Variants in DNAH7 observed in about 807,000 individuals in gnomAD.
DNAH7 encodes the protein dynein axonemal heavy chain 7, also known as axonemal beta dynein heavy chain 7.
DNAH7 carries 397 observed loss-of-function variants against 444.6 expected under a neutral mutation model. The ratio of observed to expected loss-of-function variants is 0.89; its 90% CI spans 0.82 to 0.97. The LOEUF (loss-of-function observed/expected upper bound fraction) is 0.97. Among genes scored for constraint, DNAH7 ranks in the 50% least tolerant of loss-of-function variants. DNAH7 has a pLI of 0.00. For missense variants in DNAH7, 4,902 were observed against 4,800.8 expected, an observed-to-expected ratio of 1.02 and a Z score of -0.62; for synonymous variants, 1,636 against 1,624.4, an observed-to-expected ratio of 1.01 and a Z score of -0.17.
At chr2:195,847,827 G>A (rs778552538) in intron 46 of DNAH7, among the ~76,000 whole-genome samples, 27 of 152,072 alleles carry the variant, frequency 1.8e-4, no homozygotes, top group Non-Finnish European at 3.5e-4. Context: ...CATGCCCTGC[G>A]AGTGGCTACG....
chr2:195,875,642 C>T, intron 38 of DNAH7, 33 bp downstream of exon 38: 1 of 1,525,612 alleles, frequency 6.6e-7, no homozygotes, highest in Non-Finnish European at 8.8e-7. Flanking sequence ...GGAGATTTTT[C>T]CATCTTAGTA....
At chr2:195,945,371 C>A (rs1179892747) in intron 19 of DNAH7, among the ~76,000 whole-genome samples, 1 of 152,136 alleles carries the variant, frequency 6.6e-6, no homozygotes, top group Non-Finnish European at 1.5e-5. Context: ...CCAGAGTTCA[C>A]TGGGTGGGAT....
intron 27 of DNAH7, chr2:195,905,732 TG>T (rs1388899566): frequency 2.6e-5 from 4 of 151,700 alleles, no homozygotes; most frequent in Admixed American, 6.6e-5. Context: ...GAAAATGGTG[TG>T]TTTTTTTTTA....
At position 195,858,759 on chromosome 2, in the gene DNAH7, T is replaced by A. The variant is rs748735249; in HGVS notation, c.7782A>T (p.Lys2594Asn). 2.5e-6 allele frequency: 4 copies of A among 1,613,556 alleles called. No individual in the cohort carries two copies. The highest frequency in any genetic ancestry group is 3.4e-6 in the Non-Finnish European group (4 of 1,179,790). ...CTACTTGAGATGAAGCAGAATCCAG[T>A]TTCTCCAAACCCACTTCATATCTCT... ...MKKRYEVGLE[K>N]LDSASSQVAT... Residue 2594 changes from lysine to asparagine, a missense_variant, in exon 43 of 65, where the codon AAA becomes AAT. Transcript: ENST00000312428.
intron 10 of DNAH7, among the ~76,000 whole-genome samples, chr2:196,005,219 A>G (rs1246122588): frequency 6.6e-6 from 1 of 151,912 alleles, no homozygotes; most frequent in African/African-American, 2.4e-5. Context: ...GCTTGCGGTG[A>G]GCCAAGATGG....
intron 24 of DNAH7, among the ~76,000 whole-genome samples, chr2:195,921,826 G>A (rs577721882): frequency 1.3e-5 from 2 of 152,106 alleles, no homozygotes; most frequent in African/African-American, 2.4e-5. Flanking sequence ...GAAAAAGTCA[G>A]AAAGTTTCAG....
rs563520976 is a variant in DNAH7 at position 195,996,261 on chromosome 2, C to G, written c.1353+4443G>C. On this transcript the variant is annotated intron_variant, in intron 12 of 64. Transcript: ENST00000312428. ...AACCAGAGCAGACTAAAATCCTTAGCTGCAAAATTTGCATTCTGCTCTCAG... is the reference window on the plus strand; with the variant it reads ...AACCAGAGCAGACTAAAATCCTTAGGTGCAAAATTTGCATTCTGCTCTCAG... Among the ~76,000 whole-genome samples, 3 of 152,290 alleles carry G rather than the reference C, an allele frequency of 2.0e-5. No homozygotes were observed. In the South Asian group the frequency reaches 6.2e-4, roughly 32 times the overall value.
At chr2:195,899,760 T>C (rs1490557100) in intron 28 of DNAH7, among the ~76,000 whole-genome samples, 1 of 152,226 alleles carries the variant, frequency 6.6e-6, no homozygotes, top group Non-Finnish European at 1.5e-5. Flanking sequence ...TTATATTTCA[T>C]GGTTCTACAA....
intron 21 of DNAH7, among the ~76,000 whole-genome samples, chr2:195,933,047 C>A (rs1688806492): frequency 6.6e-6 from 1 of 152,250 alleles, no homozygotes; most frequent in Admixed American, 6.5e-5. Flanking sequence ...TCCATCTGGT[C>A]CTGGACTTTT....
At chr2:196,009,017 G>A (rs969617661) in intron 10 of DNAH7, among the ~76,000 whole-genome samples, 4 of 152,126 alleles carry the variant, frequency 2.6e-5, no homozygotes, top group Non-Finnish European at 5.9e-5. Context: ...TGGCCAGAGC[G>A]AGTGCAAGAG....
At chr2:195,882,512 T>C (rs1701445944) in intron 35 of DNAH7, among the ~76,000 whole-genome samples, 1 of 152,228 alleles carries the variant, frequency 6.6e-6, no homozygotes, top group African/African-American at 2.4e-5. Context: ...TTTTTAGGTG[T>C]ACAGTTCAGT....
At chr2:195,835,867 C>T (rs1698345647) in intron 47 of DNAH7, among the ~76,000 whole-genome samples, 1 of 151,984 alleles carries the variant, frequency 6.6e-6, no homozygotes, top group South Asian at 2.1e-4. Flanking sequence ...AAAAAACAAA[C>T]AAAAATGTAG....
At chr2:195,743,939 G>C (rs1693209473) in intron 63 of DNAH7, among the ~76,000 whole-genome samples, 1 of 152,240 alleles carries the variant, frequency 6.6e-6, no homozygotes, top group African/African-American at 2.4e-5. Context: ...GAATGACACA[G>C]AAGACAGGTG....
In DNAH7 at chr2:195,808,780, C is replaced by T. The variant is rs77808386; in HGVS notation, c.9985G>A (p.Asp3329Asn). 1.6e-3 allele frequency: 2,574 copies of T among 1,613,960 alleles called. 37 individuals are homozygous for T. The African/African-American group carries it at 0.03, about 19-fold the overall frequency. The change falls in exon 53 of 65, where the codon GAT becomes AAT. Residue 3329 changes from aspartate to asparagine, a missense_variant. Coordinates refer to ENST00000312428, the MANE Select transcript of DNAH7 (RefSeq NM_018897.3). ...AAATCATCTAATCGACATATTTCAT[C>T]CCAGGATTTCTGAGGAAGCCATGTA... ...LCTWLPQKSW[D>N]EICRLDDLPA...
intron 56 of DNAH7, among the ~76,000 whole-genome samples, chr2:195,795,645 T>C (rs1160707505): frequency 6.6e-6 from 1 of 152,136 alleles, no homozygotes. Flanking sequence ...CTGTAGGTCA[T>C]GTTGGGGGTT....
intron 63 of DNAH7, among the ~76,000 whole-genome samples, chr2:195,745,663 G>C (rs1359503529): frequency 6.6e-6 from 1 of 152,224 alleles, no homozygotes; most frequent in African/African-American, 2.4e-5. Context: ...TCTCTGGGCA[G>C]AAACTCTACA....
chr2:195,992,707 T>G (rs899415748), intron 12 of DNAH7, among the ~76,000 whole-genome samples: 1 of 152,206 alleles, frequency 6.6e-6, no homozygotes, highest in Non-Finnish European at 1.5e-5. Flanking sequence ...GAAGGTACTA[T>G]GCCATATTCC....
intron 47 of DNAH7, among the ~76,000 whole-genome samples, chr2:195,835,661 T>C (rs1189553208): frequency 1.3e-5 from 2 of 151,928 alleles, no homozygotes; most frequent in Non-Finnish European, 1.5e-5. Flanking sequence ...CTGGCCAACA[T>C]GGTGAAACTC....
chr2:196,001,372 C>CTTTCT (rs566807207), intron 11 of DNAH7, among the ~76,000 whole-genome samples: 9 of 149,030 alleles, frequency 6.0e-5, no homozygotes, highest in African/African-American at 2.2e-4. Flanking sequence ...GACATTAACT[C>CTTTCT]TTTTTTTTTT....
Sources: allele counts gnomAD v4.1 joint callset (sites outside exome capture counted in the v4.1 genomes callset), GRCh38; gene constraint gnomAD v4.1.1; transcripts MANE v1.5; gene names NCBI Gene and HGNC (gene_info 2026-07-23, HGNC 2026-07-21).